The following TRPM3 variants were observed in gnomAD, a reference collection of about 807,000 sequenced individuals.
The protein encoded by TRPM3 is transient receptor potential cation channel subfamily M member 3, also known as long transient receptor potential channel 3.
TRPM3 carries 77 observed loss-of-function variants against 181.2 expected under a neutral mutation model. That is an observed-to-expected ratio of 0.42 (90% confidence interval 0.35 to 0.51). The LOEUF (loss-of-function observed/expected upper bound fraction) is 0.51, where lower values mean the gene tolerates loss of function less well. Among genes scored for constraint, TRPM3 ranks in the 20% least tolerant of loss-of-function variants. The pLI, the probability that TRPM3 is intolerant of heterozygous loss-of-function variation, is 0.01. For synonymous variants in TRPM3, 745 were observed against 796.4 expected (o/e 0.94, Z 1.09); for missense variants, 1,759 against 2,196.7 (o/e 0.80, Z 3.98).
intron 1 of TRPM3, among the ~76,000 whole-genome samples, chr9:71,241,689 A>C (rs1456266049): frequency 6.6e-6 from 1 of 152,212 alleles, no homozygotes; most frequent in Non-Finnish European, 1.5e-5. Flanking sequence ...AACATTCTTC[A>C]CAGAATAAAT....
intron 1 of TRPM3, among the ~76,000 whole-genome samples, chr9:71,285,535 C>G (rs2085211597): frequency 6.6e-6 from 1 of 152,150 alleles, no homozygotes; most frequent in Non-Finnish European, 1.5e-5. Flanking sequence ...CCGATCCGTT[C>G]ACTTGGCAAA....
chr9:71,293,963 C>A (rs1177614967), intron 1 of TRPM3, among the ~76,000 whole-genome samples: 2 of 151,856 alleles, frequency 1.3e-5, no homozygotes, highest in African/African-American at 4.8e-5. Context: ...AGAATAATTA[C>A]AAATCCATAT....
intron 1 of TRPM3, among the ~76,000 whole-genome samples, chr9:71,359,711 G>A (rs2132718395): frequency 6.6e-6 from 1 of 152,098 alleles, no homozygotes; most frequent in African/African-American, 2.4e-5. Flanking sequence ...TTCACATTAA[G>A]CAGAAAATTT....
At position 70,530,204 on chromosome 9, in the gene TRPM3, C is replaced by T. The variant is rs1237454777; in HGVS notation, c.*5749G>A. The T allele has an allele frequency of 6.6e-6, 1 of 152,256 alleles. No individual in the cohort carries two copies. The highest frequency in any genetic ancestry group is 1.5e-5 in the Non-Finnish European group (1 of 68,080). The allele number at this position is 152,256 out of a possible 1,614,324, so 9.4% of individuals were successfully genotyped here. A position where few individuals can be genotyped will look rare whatever the true frequency, so the allele number is the denominator to read the frequency against. On this transcript the variant is annotated 3_prime_UTR_variant, in exon 26 of 26. Transcript: ENST00000677713. ...TCCAAGCGGCCGCTGTTTCAGCTTA[C>T]TGTGCGAGGGTCAACAAGGTATAAA...
chr9:71,280,521 AAG>A (rs1341771000), intron 1 of TRPM3, among the ~76,000 whole-genome samples: 4 of 148,550 alleles, frequency 2.7e-5, no homozygotes, highest in Non-Finnish European at 6.1e-5. Context: ...CAGAAAAAAA[AAG>A]AAAAGAAAAG....
chr9:70,534,186 T>G lies in TRPM3; in HGVS notation c.*1767A>C, dbSNP rs2041276758. On this transcript the variant is annotated 3_prime_UTR_variant, in exon 26 of 26. Transcript: ENST00000677713. ...TCTGTAACACTAGCTGGTTTAAAGT[T>G]GCGTGTCTATTCAGATTGTACGTGG... 1 of 152,198 alleles carries G rather than the reference T, an allele frequency of 6.6e-6. No homozygotes were observed. The highest frequency in any genetic ancestry group is 1.5e-5 in the Non-Finnish European group (1 of 68,042). The allele number at this position is 152,198 out of a possible 1,614,324, so 9.4% of individuals were successfully genotyped here.
chr9:70,944,827 C>T (rs1190294681), intron 1 of TRPM3, among the ~76,000 whole-genome samples: 1 of 151,584 alleles, frequency 6.6e-6, no homozygotes, highest in Non-Finnish European at 1.5e-5. Flanking sequence ...TGTTTATGCT[C>T]ACTTATATTT....
chr9:71,130,853 C>T (rs543887712), intron 1 of TRPM3, among the ~76,000 whole-genome samples: 8 of 152,248 alleles, frequency 5.3e-5, no homozygotes, highest in African/African-American at 1.9e-4. Flanking sequence ...CAAGGAAAAA[C>T]TCATAATTAT....
intron 1 of TRPM3, among the ~76,000 whole-genome samples, chr9:71,345,000 C>A (rs2091206091): frequency 1.3e-5 from 2 of 152,180 alleles, no homozygotes; most frequent in South Asian, 4.1e-4. Context: ...AGCTCATCAT[C>A]ACTGGTCATT....
At position 70,700,311 on chromosome 9, in the gene TRPM3, G is replaced by T. The variant is rs527895411; in HGVS notation, c.1273-18733C>A. On this transcript the variant is annotated intron_variant, in intron 8 of 25. Coordinates refer to ENST00000677713, the MANE Select transcript of TRPM3 (RefSeq NM_001366145.2). The stretch of plus-strand genomic sequence containing the variant: ...GGCTGCTCTTAACAGAAACAGGAAA[G>T]CCAGGATGATTTGGGGGAAAGTGAC... Among the ~76,000 whole-genome samples, 3 of 152,250 alleles carry T rather than the reference G, an allele frequency of 2.0e-5. No homozygotes were observed. In the East Asian group the frequency reaches 5.8e-4, roughly 29 times the overall value.
At chr9:70,889,025 T>C (rs1589555571) in intron 1 of TRPM3, among the ~76,000 whole-genome samples, 2 of 152,236 alleles carry the variant, frequency 1.3e-5, no homozygotes. Context: ...AATGGATGGG[T>C]AGTAATTAAC....
intron 1 of TRPM3, among the ~76,000 whole-genome samples, chr9:71,099,597 C>G (rs969632959): frequency 3.9e-5 from 6 of 152,156 alleles, no homozygotes; most frequent in Middle Eastern, 3.4e-3. Context: ...GTGATTTTAC[C>G]TTTAGATGGG....
upstream of TRPM3, among the ~76,000 whole-genome samples, chr9:71,124,857 A>G (rs1256715527): frequency 2.6e-5 from 4 of 152,222 alleles, no homozygotes; most frequent in African/African-American, 9.6e-5. Flanking sequence ...GGTAGTACAG[A>G]GAACTCAAAA....
At chr9:70,917,018 T>C in intron 1 of TRPM3, 12 of 1,572,206 alleles carry the variant, frequency 7.6e-6, no homozygotes, top group Non-Finnish European at 1.0e-5. Flanking sequence ...ACAAACAAGG[T>C]GAGTGGGTAT....
At chr9:71,419,974 C>A (rs1239125057) in intron 1 of TRPM3, among the ~76,000 whole-genome samples, 1 of 151,970 alleles carries the variant, frequency 6.6e-6, no homozygotes, top group Non-Finnish European at 1.5e-5. Context: ...CATAACTATT[C>A]TTTTAAATCA....
chr9:70,863,028 G>A lies in TRPM3; in HGVS notation c.342C>T (p.Arg114=). 1 of 1,613,634 alleles carries A rather than the reference G, an allele frequency of 6.2e-7. No individual in the cohort carries two copies. Among genetic ancestry groups the A allele is most frequent in the Non-Finnish European group, 8.5e-7 (1 of 1,179,738 alleles). ...CAGACTGGATGTCATTTCGGGAGAG[G>A]CGACTTTCATTTTTCTCATTCTGAA... ...SVLQNEKNES[R]LSRNDIQSEK... is the part of the protein sequence containing the mutation. The change falls in exon 3 of 26, where the codon CGC becomes CGT. Residue 114 remains arginine (R), a synonymous_variant. Transcript: ENST00000677713.
chr9:71,222,223 AAC>A (rs1424967987), intron 1 of TRPM3, among the ~76,000 whole-genome samples: 2 of 152,236 alleles, frequency 1.3e-5, no homozygotes, highest in African/African-American at 4.8e-5. Context: ...TATGGCTGAT[AAC>A]AGTTTCAATC....
chr9:70,592,841 T>A (rs956492037), intron 21 of TRPM3, among the ~76,000 whole-genome samples: 4 of 152,162 alleles, frequency 2.6e-5, no homozygotes, highest in African/African-American at 9.7e-5. Flanking sequence ...AGCAATTGTC[T>A]GCCTCAGCCT....
intron 1 of TRPM3, among the ~76,000 whole-genome samples, chr9:71,442,559 C>T (rs2094149077): frequency 6.6e-6 from 1 of 151,998 alleles, no homozygotes; most frequent in Admixed American, 6.6e-5. Flanking sequence ...GTAAATTGTA[C>T]ATGTATATTT....
Sources: gnomAD v4.1 joint callset for allele counts (sites outside exome capture counted in the v4.1 genomes callset) on GRCh38, gnomAD v4.1.1 for gene constraint, MANE v1.5 for transcripts, NCBI Gene and HGNC (gene_info 2026-07-23, HGNC 2026-07-21) for gene names.